The following MMP26 variants were observed in gnomAD, a reference collection of about 807,000 sequenced individuals.
MMP26 encodes matrix metallopeptidase 26, also known as matrix metalloproteinase-26.
Under a neutral mutation model 31.0 loss-of-function variants are expected in MMP26, and 33 were observed. That is an observed-to-expected ratio of 1.06 (90% CI 0.81 to 1.42). The LOEUF is 1.42. MMP26 is among the 40% of genes most tolerant of loss of function. The probability of loss-of-function intolerance (pLI) is 0.00; values close to 1 mark genes in which losing one functional copy is unlikely to be tolerated. For missense variants in MMP26, 347 were observed against 316.1 expected, an observed-to-expected ratio of 1.10 and a Z score of -0.74; for synonymous variants, 122 against 114.9, an observed-to-expected ratio of 1.06 and a Z score of -0.40.
At chr11:4,895,859 G>T (rs2570574) in intron 2 of MMP26, among the ~76,000 whole-genome samples, 33,397 of 152,070 alleles carry the variant, frequency 0.22, 3,928 homozygotes, top group Admixed American at 0.31. Flanking sequence ...TTAATCTGGG[G>T]GAAGCTATGA....
intron 2 of MMP26, among the ~76,000 whole-genome samples, chr11:4,963,380 A>C (rs555024027): frequency 2.1e-4 from 32 of 152,180 alleles, no homozygotes; most frequent in Non-Finnish European, 4.0e-4. Context: ...GTTAGAAAAA[A>C]CTACTTTAAA....
chr11:4,848,189 C>T (rs1260567321), intron 2 of MMP26: 2 of 1,539,056 alleles, frequency 1.3e-6, no homozygotes, highest in Non-Finnish European at 1.7e-6. Flanking sequence ...CTCACAGAAA[C>T]TTTAGTATCA....
chr11:4,730,518 C>T (rs978698028), intron 1 of MMP26, among the ~76,000 whole-genome samples: 1 of 152,070 alleles, frequency 6.6e-6, no homozygotes, highest in Admixed American at 6.6e-5. Flanking sequence ...ATCAGATTAG[C>T]ACAGCTTCCA....
At chr11:4,912,224 C>G (rs1164674156) in intron 2 of MMP26, among the ~76,000 whole-genome samples, 1 of 152,014 alleles carries the variant, frequency 6.6e-6, no homozygotes, top group Non-Finnish European at 1.5e-5. Context: ...GTGGGGTAGA[C>G]ATTTTTAGTT....
chr11:4,769,638 T>C lies in MMP26; in HGVS notation c.-145+2297T>C, dbSNP rs75972277. The stretch of plus-strand genomic sequence containing the variant: ...TGGACAATGCAGCTATATAGACTGA[T>C]TTCACGTGCCTCAAACCAGAGGATA... On this transcript the variant is annotated intron_variant, in intron 2 of 7. Coordinates refer to ENST00000380390, the MANE Select transcript of MMP26 (RefSeq NM_021801.5). 12,903 of 1,602,874 alleles carry C rather than the reference T, an allele frequency of 8.0e-3. 928 individuals carry two copies. In the African/African-American group the frequency reaches 0.16, roughly 20 times the overall value.
intron 1 of MMP26, among the ~76,000 whole-genome samples, chr11:4,735,147 T>C (rs752455860): frequency 6.6e-6 from 1 of 152,192 alleles, no homozygotes; most frequent in Non-Finnish European, 1.5e-5. Context: ...GCTATCAGTA[T>C]GCCTAGCTGT....
chr11:4,831,933 G>A (rs934527821), intron 2 of MMP26, among the ~76,000 whole-genome samples: 2 of 152,158 alleles, frequency 1.3e-5, no homozygotes, highest in African/African-American at 4.8e-5. Context: ...ATCCTGTGAT[G>A]AACCTGTTTA....
chr11:4,971,592 T>A (rs1846667083), intron 2 of MMP26, among the ~76,000 whole-genome samples: 2 of 152,126 alleles, frequency 1.3e-5, no homozygotes, highest in African/African-American at 4.8e-5. Context: ...GGGACATAGG[T>A]TACTAAGTAG....
chr11:4,814,680 G>T (rs1455967575), intron 2 of MMP26, among the ~76,000 whole-genome samples: 1 of 152,122 alleles, frequency 6.6e-6, no homozygotes, highest in Admixed American at 6.6e-5. Context: ...ATTTTAAAGG[G>T]TTAATCTAAT....
At chr11:4,716,731 A>G (rs1847937163) in intron 1 of MMP26, among the ~76,000 whole-genome samples, 2 of 125,842 alleles carry the variant, frequency 1.6e-5, no homozygotes, top group African/African-American at 3.1e-5. Flanking sequence ...GTGCGATCTC[A>G]GCTCATTGCA....
At chr11:4,822,704 A>G (rs755633626) in intron 2 of MMP26, among the ~76,000 whole-genome samples, 11 of 152,204 alleles carry the variant, frequency 7.2e-5, no homozygotes, top group Non-Finnish European at 1.5e-4. Context: ...TAAATAAGTC[A>G]GTTGTTATTT....
At chr11:4,910,330 T>C (rs1420879406) in intron 2 of MMP26, among the ~76,000 whole-genome samples, 2 of 152,112 alleles carry the variant, frequency 1.3e-5, no homozygotes, top group Non-Finnish European at 2.9e-5. Context: ...TTAGACTGGG[T>C]TCCCCTGGAT....
At chr11:4,839,632 C>A (rs899003499) in intron 2 of MMP26, among the ~76,000 whole-genome samples, 1 of 151,720 alleles carries the variant, frequency 6.6e-6, no homozygotes, top group Admixed American at 6.6e-5. Context: ...CTAGTCCTGG[C>A]AGCATTTATC....
chr11:4,937,386 C>G (rs1050525064), intron 2 of MMP26: 3 of 152,234 alleles, frequency 2.0e-5, no homozygotes, highest in Non-Finnish European at 4.4e-5. Context: ...TCCCCACAAC[C>G]TTTTCTCGGA....
intron 2 of MMP26, among the ~76,000 whole-genome samples, chr11:4,813,663 T>C (rs1314828619): frequency 6.6e-6 from 1 of 152,194 alleles, no homozygotes; most frequent in Non-Finnish European, 1.5e-5. Flanking sequence ...ATATCTTTAT[T>C]TGAGGTATAA....
In MMP26 at chr11:4,793,716, G is replaced by A. The variant is rs1344101007; in HGVS notation, c.-145+26375G>A. On this transcript the variant is annotated intron_variant, in intron 2 of 7. Transcript: ENST00000380390. The stretch of plus-strand genomic sequence containing the variant: ...TTGGGATGAATTTGGTTATTTATAC[G>A]TCTTTGGTCCTTGATTAACAGGAAT... 4 of 152,074 alleles carry A rather than the reference G, an allele frequency of 2.6e-5. No homozygotes were observed. In the South Asian group the frequency reaches 6.2e-4, roughly 24 times the overall value. 9.4% of individuals were successfully genotyped at this position (152,074 alleles called of 1,614,324 possible). A position where few individuals can be genotyped will look rare whatever the true frequency, so the allele number is the denominator to read the frequency against.
chr11:4,949,947 C>T lies in MMP26; in HGVS notation c.-144-38121C>T, dbSNP rs1203438056. On this transcript the variant is annotated intron_variant, in intron 2 of 7. Transcript: ENST00000380390. ...GAACTAATGGCACTTATTCCGGAGT[C>T]ATGAAAATTTTACATTTCAATCTTT... 3.3e-5 allele frequency among the ~76,000 whole-genome samples: 4 copies of T among 123,010 alleles called. 1 individual carries two copies. The highest frequency in any genetic ancestry group is 5.5e-5 in the Non-Finnish European group (3 of 54,102). 80.7% of individuals were successfully genotyped at this position (123,010 alleles called of 152,430 possible). A position where few individuals can be genotyped will look rare whatever the true frequency, so the allele number is the denominator to read the frequency against.
At chr11:4,752,790 A>T (rs1259323481) in intron 1 of MMP26, 2 of 152,678 alleles carry the variant, frequency 1.3e-5, no homozygotes, top group African/African-American at 2.4e-5. Context: ...CAACATGGAG[A>T]GGAAATAGTA....
chr11:4,963,251 A>G (rs1032873359), intron 2 of MMP26, among the ~76,000 whole-genome samples: 2 of 152,202 alleles, frequency 1.3e-5, no homozygotes, highest in Admixed American at 1.3e-4. Flanking sequence ...AAACAAATGG[A>G]AAAACACTCC....
Sources: gnomAD v4.1 joint callset for allele counts (sites outside exome capture counted in the v4.1 genomes callset) on GRCh38, gnomAD v4.1.1 for gene constraint, MANE v1.5 for transcripts, NCBI Gene and HGNC (gene_info 2026-07-23, HGNC 2026-07-21) for gene names.